Variants in RANBP2 observed in about 807,000 individuals in gnomAD.
RANBP2 encodes the protein RAN binding protein 2.
In RANBP2, 57 loss-of-function variants were observed where a neutral mutation model predicts 303.6. The observed-to-expected ratio is 0.19, with a 90% CI of 0.15 to 0.23. The LOEUF is 0.23. RANBP2 is among the 10% of genes least tolerant of loss of function. The pLI, the probability that RANBP2 is intolerant of heterozygous loss-of-function variation, is 1.00. For synonymous variants in RANBP2, 1,167 were observed against 1,301.5 expected, an observed-to-expected ratio of 0.90 and a Z score of 2.23; for missense variants, 3,138 against 3,780.8, an observed-to-expected ratio of 0.83 and a Z score of 4.46.
the RANBP2 span, among the ~76,000 whole-genome samples, chr2:108,933,603 A>G: frequency 2.0e-3 from 298 of 152,356 alleles, 1 homozygote; most frequent in Admixed American, 4.2e-3. Flanking sequence ...ATGAGGTTCA[A>G]AAACTGCCTT....
chr2:109,317,645 G>T, the RANBP2 span, among the ~76,000 whole-genome samples: 1 of 152,308 alleles, frequency 6.6e-6, no homozygotes, highest in South Asian at 2.1e-4. Context: ...AAGAGAACTG[G>T]CTGAGTTTAA....
At chr2:109,120,422 C>G in the RANBP2 span, among the ~76,000 whole-genome samples, 1 of 152,146 alleles carries the variant, frequency 6.6e-6, no homozygotes, top group Non-Finnish European at 1.5e-5. Flanking sequence ...AGCTGTGGTC[C>G]CCAAGGATGT....
At chr2:108,850,146 A>G in the RANBP2 span, among the ~76,000 whole-genome samples, 1 of 152,218 alleles carries the variant, frequency 6.6e-6, no homozygotes. Flanking sequence ...ACTGAAAAAA[A>G]TTCTGGGAGA....
At position 108,763,323 on chromosome 2, in the gene RANBP2, C is replaced by G. The variant is rs752219378; in HGVS notation, c.2784C>G (p.Ser928Arg). The G allele has an allele frequency of 1.2e-6, 2 of 1,613,974 alleles. No individual in the cohort carries two copies. Among genetic ancestry groups the G allele is most frequent in the South Asian group, 2.2e-5 (2 of 91,088 alleles). Residue 928 changes from serine (S) to arginine (R), a missense_variant, in exon 20 of 29, where the codon AGC becomes AGG. Transcript: ENST00000283195. Reference sequence around the variant, plus strand: ...AGATGCACACACCGCCAGTGCAAAGCTCATCTGCTTGTATGTTCTCTCAGG... The same window carrying G: ...AGATGCACACACCGCCAGTGCAAAGGTCATCTGCTTGTATGTTCTCTCAGG... ...PQQMHTPPVQ[S>R]SSACMFSQEM...
chr2:109,012,893 G>A, the RANBP2 span, among the ~76,000 whole-genome samples: 204 of 152,270 alleles, frequency 1.3e-3, no homozygotes, highest in Middle Eastern at 0.017. Flanking sequence ...CAGCCTGGGC[G>A]ACAGAGCGAG....
At chr2:109,499,396 C>T in the RANBP2 span, among the ~76,000 whole-genome samples, 23 of 152,350 alleles carry the variant, frequency 1.5e-4, no homozygotes, top group East Asian at 3.3e-3. Context: ...AAATCCACCA[C>T]ATGTGGGATC....
chr2:109,357,461 G>A, the RANBP2 span, among the ~76,000 whole-genome samples: 184 of 152,310 alleles, frequency 1.2e-3, 1 homozygote, highest in African/African-American at 3.6e-3. Context: ...GATTACAGGC[G>A]TGAGCCACCG....
chr2:108,900,682 A>G, the RANBP2 span, among the ~76,000 whole-genome samples: 1 of 152,222 alleles, frequency 6.6e-6, no homozygotes, highest in East Asian at 1.9e-4. Context: ...TCACTTCAAT[A>G]TAATGAGAGA....
At chr2:108,856,429 A>G in the RANBP2 span, among the ~76,000 whole-genome samples, 13 of 152,352 alleles carry the variant, frequency 8.5e-5, no homozygotes, top group Non-Finnish European at 1.5e-4. Flanking sequence ...TTAGAAAGCT[A>G]TTATAGAGAT....
At chr2:108,794,488 T>A in the RANBP2 span, 5 of 1,499,218 alleles carry the variant, frequency 3.3e-6, no homozygotes, top group African/African-American at 7.0e-5. Context: ...CTGAGAATAT[T>A]TGAAACAATA....
chr2:108,840,262 G>A, the RANBP2 span, among the ~76,000 whole-genome samples: 2 of 151,928 alleles, frequency 1.3e-5, no homozygotes, highest in South Asian at 4.2e-4. Context: ...TTTTGTTAAG[G>A]ACTTTTGTTT....
chr2:108,776,020 A>C (rs1265271732), intron 24 of RANBP2, 84 bp downstream of exon 24: 12 of 1,244,780 alleles, frequency 9.6e-6, no homozygotes, highest in Non-Finnish European at 7.9e-6. Flanking sequence ...CTGATCCTGA[A>C]AACTCCCTTT....
the RANBP2 span, among the ~76,000 whole-genome samples, chr2:109,038,568 A>G: frequency 6.6e-6 from 1 of 152,190 alleles, no homozygotes; most frequent in Admixed American, 6.5e-5. Context: ...GCCCCGTGAA[A>G]GACCTTATGA....
the RANBP2 span, among the ~76,000 whole-genome samples, chr2:109,078,848 G>A: frequency 4.0e-5 from 6 of 151,338 alleles, 1 homozygote; most frequent in African/African-American, 9.7e-5. Context: ...AAAAATAGCC[G>A]GGTGTGGTGG....
chr2:109,662,702 T>C, the RANBP2 span, among the ~76,000 whole-genome samples: 1 of 152,182 alleles, frequency 6.6e-6, no homozygotes, highest in Non-Finnish European at 1.5e-5. Context: ...TTAGCCACCA[T>C]GCCCGGCCTC....
chr2:109,350,177 C>T, the RANBP2 span, among the ~76,000 whole-genome samples: 4 of 152,292 alleles, frequency 2.6e-5, no homozygotes, highest in East Asian at 5.8e-4. Flanking sequence ...CTGCGGTTGG[C>T]ATGTGGGGTG....
At chr2:109,303,329 G>T in the RANBP2 span, among the ~76,000 whole-genome samples, 4 of 152,244 alleles carry the variant, frequency 2.6e-5, no homozygotes, top group African/African-American at 9.6e-5. Flanking sequence ...CTCTGGCAGG[G>T]TTAAGACAAG....
At chr2:109,643,737 C>G in the RANBP2 span, among the ~76,000 whole-genome samples, 2 of 151,790 alleles carry the variant, frequency 1.3e-5, no homozygotes, top group Admixed American at 6.6e-5. Context: ...TGCACTCCAG[C>G]CTGGGCCACA....
chr2:109,667,904 G>T, the RANBP2 span: 1 of 196,608 alleles, frequency 5.1e-6, no homozygotes, highest in Middle Eastern at 1.1e-3. Context: ...AGAAGCTGAA[G>T]CAGCAAGAGG....
Sources: allele counts gnomAD v4.1 joint callset (sites outside exome capture counted in the v4.1 genomes callset), GRCh38; gene constraint gnomAD v4.1.1; transcripts MANE v1.5; gene names NCBI Gene and HGNC (gene_info 2026-07-23, HGNC 2026-07-21).